Variants in TLL2 observed in about 807,000 individuals in gnomAD.
The protein encoded by TLL2 is tolloid-like protein 2.
Under a neutral mutation model 123.0 loss-of-function variants are expected in TLL2, and 106 were observed. The ratio of observed to expected loss-of-function variants is 0.86; its 90% confidence interval spans 0.74 to 1.01. The LOEUF (loss-of-function observed/expected upper bound fraction) is 1.01. TLL2 is among the 50% of genes least tolerant of loss of function. The pLI is 0.00. For synonymous variants in TLL2, 494 were observed against 516.8 expected (o/e 0.96, Z 0.60); for missense variants, 1,332 against 1,336.7 (o/e 1.00, Z 0.06).
chr10:96,464,568 G>T (rs1422807367), intron 2 of TLL2, among the ~76,000 whole-genome samples: 1 of 152,038 alleles, frequency 6.6e-6, no homozygotes, highest in African/African-American at 2.4e-5. Flanking sequence ...CCCGGGGCAG[G>T]AAGCAGAGTG....
In TLL2 at chr10:96,373,788, C is replaced by T. The variant is rs766762802; in HGVS notation, c.2470G>A (p.Glu824Lys). 20 of 1,613,818 alleles carry T rather than the reference C, an allele frequency of 1.2e-5. No individual in the cohort carries two copies. Among genetic ancestry groups the T allele is most frequent in the South Asian group, 1.2e-4 (11 of 91,042 alleles). The part of the protein sequence containing the change: ...VKLTFNEFEI[E>K]QHQECAYDHL... ...TCATAGGCACATTCCTGGTGCTGCT[C>T]GATCTCAAACTCATTAAAGGTCTGG... Residue 824 changes from glutamate (E) to lysine (K), a missense_variant, in exon 19 of 21, where the codon GAG (glutamate) becomes AAG (lysine). Transcript: ENST00000357947.
chr10:96,439,056 C>T (rs1846824377), intron 3 of TLL2, among the ~76,000 whole-genome samples: 1 of 16,884 alleles, frequency 5.9e-5, no homozygotes, highest in South Asian at 2.2e-3. Context: ...ATTTCATTTG[C>T]TAATTTTTTT....
At chr10:96,391,339 G>A (rs1846285793) in intron 13 of TLL2, among the ~76,000 whole-genome samples, 1 of 152,216 alleles carries the variant, frequency 6.6e-6, no homozygotes, top group African/African-American at 2.4e-5. Flanking sequence ...CTGCAAGAGA[G>A]CGAATAGCTA....
chr10:96,478,188 T>C (rs1418495143), intron 2 of TLL2, among the ~76,000 whole-genome samples: 1 of 152,176 alleles, frequency 6.6e-6, no homozygotes, highest in Non-Finnish European at 1.5e-5. Flanking sequence ...CTGCCTCTCT[T>C]TGGGGTCTCT....
intron 2 of TLL2, among the ~76,000 whole-genome samples, chr10:96,470,263 C>G (rs1049178310): frequency 6.6e-6 from 1 of 152,330 alleles, no homozygotes; most frequent in Admixed American, 6.5e-5. Flanking sequence ...AGCCGGGGGT[C>G]AGAGGCATCA....
intron 14 of TLL2, 119 bp from the exon 15 acceptor site, chr10:96,386,334 G>T: frequency 9.3e-7 from 1 of 1,076,570 alleles, no homozygotes; most frequent in Non-Finnish European, 1.3e-6. Flanking sequence ...TAGACAATTT[G>T]AACTGATTAA....
intron 10 of TLL2, among the ~76,000 whole-genome samples, chr10:96,404,152 C>T (rs755154187): frequency 5.2e-4 from 79 of 152,190 alleles, no homozygotes; most frequent in East Asian, 2.1e-3. Context: ...AGTGCCGGTC[C>T]CCTGGGCCCA....
At chr10:96,385,201 G>T (rs1256221298) in intron 15 of TLL2, among the ~76,000 whole-genome samples, 1 of 152,118 alleles carries the variant, frequency 6.6e-6, no homozygotes, top group East Asian at 1.9e-4. Flanking sequence ...CCATTTTCAG[G>T]CAGGGAAACA....
intron 4 of TLL2, among the ~76,000 whole-genome samples, chr10:96,431,587 G>A (rs1232571732): frequency 6.6e-6 from 1 of 152,186 alleles, no homozygotes; most frequent in Non-Finnish European, 1.5e-5. Context: ...TACGCAGTGG[G>A]CATATTTGCT....
chr10:96,480,980 G>A (rs1847307134), intron 1 of TLL2, among the ~76,000 whole-genome samples: 1 of 152,138 alleles, frequency 6.6e-6, no homozygotes, highest in South Asian at 2.1e-4. Flanking sequence ...CATCCTCTTT[G>A]CCCTGTCCCA....
chr10:96,383,553 A>G (rs551163887), intron 16 of TLL2, among the ~76,000 whole-genome samples: 1 of 152,268 alleles, frequency 6.6e-6, no homozygotes, highest in Non-Finnish European at 1.5e-5. Context: ...GCCTTCTGCC[A>G]TGATTGTGAG....
At chr10:96,512,847 G>GC (rs1444963148) in intron 1 of TLL2, among the ~76,000 whole-genome samples, 7 of 152,234 alleles carry the variant, frequency 4.6e-5, no homozygotes, top group African/African-American at 1.4e-4. Context: ...CGGCGATTGC[G>GC]CCCGAAAGGC....
At chr10:96,505,131 C>G (rs561409821) in intron 1 of TLL2, among the ~76,000 whole-genome samples, 11 of 152,190 alleles carry the variant, frequency 7.2e-5, no homozygotes, top group Non-Finnish European at 1.5e-4. Flanking sequence ...GATGGAGAAG[C>G]CTCAGGAAAC....
In TLL2 at chr10:96,397,287, T is replaced by C. The variant is rs1564898415; in HGVS notation, c.1283A>G (p.Asp428Gly). Residue 428 changes from aspartate (D) to glycine (G), a missense_variant, in exon 11 of 21, where the codon GAT (aspartate) becomes GGT (glycine). Physicochemically the swap from Asp to Gly is moderately conservative, Grantham distance 94 (BLOSUM62 -1). Coordinates refer to ENST00000357947, the MANE Select transcript of TLL2 (RefSeq NM_012465.4). Reference sequence around the variant, plus strand: ...GGAGACGAGGGGCTCCGGGATCTTATCGCCACAAAACCTGCCTGGAAAGTG... The same window carrying C: ...GGAGACGAGGGGCTCCGGGATCTTACCGCCACAAAACCTGCCTGGAAAGTG... ...KAPLLGRFCG[D>G]KIPEPLVSTD... 1 of 1,613,098 alleles carries C rather than the reference T, an allele frequency of 6.2e-7. No individual in the cohort carries two copies. The highest frequency in any genetic ancestry group is 8.5e-7 in the Non-Finnish European group (1 of 1,179,458).
At position 96,513,624 on chromosome 10, in the gene TLL2, C is replaced by G. The variant is rs1847654521; in HGVS notation, c.62G>C (p.Arg21Pro). 1 of 1,600,296 alleles carries G rather than the reference C, an allele frequency of 6.2e-7. No homozygotes were observed. The highest frequency in any genetic ancestry group is 8.5e-7 in the Non-Finnish European group (1 of 1,178,050). ...GCGCTCCCCGAGTCCCCCGGCGCCG[C>G]GAGGCAGCGGCAGCAGCAGCAGCAG... ...VSLLLLLPLP[R>P]GAGGLGERPD... The change falls in exon 1 of 21, where the codon CGC becomes CCC. Residue 21 changes from arginine to proline, a missense_variant. Transcript: ENST00000357947.
intron 4 of TLL2, among the ~76,000 whole-genome samples, chr10:96,429,548 T>G (rs1739562542): frequency 6.6e-6 from 1 of 152,188 alleles, no homozygotes; most frequent in Non-Finnish European, 1.5e-5. Flanking sequence ...AATTTTCCTT[T>G]GTATTGAAAG....
At chr10:96,506,111 G>T (rs539585486) in intron 1 of TLL2, among the ~76,000 whole-genome samples, 1 of 151,818 alleles carries the variant, frequency 6.6e-6, no homozygotes, top group Non-Finnish European at 1.5e-5. Flanking sequence ...AATTAGCCAG[G>T]CATGGTGGCG....
chr10:96,421,670 A>G (rs1214865982), intron 6 of TLL2, among the ~76,000 whole-genome samples: 6 of 151,240 alleles, frequency 4.0e-5, no homozygotes, highest in Non-Finnish European at 7.4e-5. Context: ...TCTCAAAAAA[A>G]AAAAAAAAGT....
chr10:96,439,933 A>G (rs1846835430), intron 3 of TLL2, among the ~76,000 whole-genome samples: 1 of 152,172 alleles, frequency 6.6e-6, no homozygotes, highest in African/African-American at 2.4e-5. Context: ...GATTTCACAT[A>G]AGAATCCAGA....
Sources: gnomAD v4.1 joint callset for allele counts (sites outside exome capture counted in the v4.1 genomes callset) on GRCh38, gnomAD v4.1.1 for gene constraint, MANE v1.5 for transcripts, NCBI Gene and HGNC (gene_info 2026-07-23, HGNC 2026-07-21) for gene names.